Variants in C8orf34 observed in about 807,000 individuals in gnomAD.
C8orf34 encodes the protein uncharacterized protein C8orf34.
C8orf34 carries 65 observed loss-of-function variants against 68.3 expected under a neutral mutation model. That is an observed-to-expected ratio of 0.95 (90% CI 0.78 to 1.17). The LOEUF (loss-of-function observed/expected upper bound fraction) is 1.17. C8orf34 is among the 50% of genes most tolerant of loss of function. The pLI is 0.00. For synonymous variants in C8orf34, 244 were observed against 241.2 expected, an observed-to-expected ratio of 1.01 and a Z score of -0.11; for missense variants, 664 against 655.4, an observed-to-expected ratio of 1.01 and a Z score of -0.14.
chr8:68,674,698 G>T (rs1363093583), intron 8 of C8orf34, among the ~76,000 whole-genome samples: 4 of 152,064 alleles, frequency 2.6e-5, no homozygotes, highest in Non-Finnish European at 4.4e-5. Flanking sequence ...AACTTAAAGA[G>T]GAGGTAGAGA....
intron 5 of C8orf34, among the ~76,000 whole-genome samples, chr8:68,496,943 G>A (rs1430880006): frequency 6.6e-6 from 1 of 152,106 alleles, no homozygotes; most frequent in Non-Finnish European, 1.5e-5. Flanking sequence ...TGCTATGTTG[G>A]TCGTATGTTT....
intron 10 of C8orf34, among the ~76,000 whole-genome samples, chr8:68,728,383 GTCT>G (rs762532666): frequency 3.3e-5 from 5 of 152,156 alleles, no homozygotes; most frequent in Non-Finnish European, 5.9e-5. Flanking sequence ...ACATTTTCCT[GTCT>G]TCTTCTGAGC....
At chr8:68,575,761 A>T (rs938262979) in intron 7 of C8orf34, among the ~76,000 whole-genome samples, 1 of 151,912 alleles carries the variant, frequency 6.6e-6, no homozygotes, top group African/African-American at 2.4e-5. Context: ...ACCTGCATTG[A>T]AGAGCTGTGG....
chr8:68,577,366 A>C (rs1424441730), intron 7 of C8orf34, among the ~76,000 whole-genome samples: 2 of 152,022 alleles, frequency 1.3e-5, no homozygotes, highest in African/African-American at 4.8e-5. Flanking sequence ...AGGAATTATC[A>C]TATAGGTGCT....
At chr8:68,678,745 C>G (rs1290884166) in intron 8 of C8orf34, among the ~76,000 whole-genome samples, 1 of 147,904 alleles carries the variant, frequency 6.8e-6, no homozygotes, top group Non-Finnish European at 1.5e-5. Context: ...CTAGCTAGAG[C>G]AATCAGATAA....
At chr8:68,704,157 T>A (rs1234704458) in intron 8 of C8orf34, among the ~76,000 whole-genome samples, 1 of 152,126 alleles carries the variant, frequency 6.6e-6, no homozygotes, top group Non-Finnish European at 1.5e-5. Flanking sequence ...ACTTGCAGTG[T>A]TTTGGCAAAC....
rs529279893 is a variant in C8orf34 at position 68,465,242 on chromosome 8, T to C, written c.608-3450T>C. ...CCATCAGAGAAATGCAAATCAAAACTACAATGAGATACCATCTCACACCAG... is the reference window on the plus strand; with the variant it reads ...CCATCAGAGAAATGCAAATCAAAACCACAATGAGATACCATCTCACACCAG... On this transcript the variant is annotated intron_variant, in intron 3 of 13. Transcript: ENST00000518698. Among the ~76,000 whole-genome samples, 606 of 151,572 alleles carry C rather than the reference T, an allele frequency of 4.0e-3. 5 individuals carry two copies. The highest frequency in any genetic ancestry group is 0.014 in the African/African-American group (582 of 41,222).
At chr8:68,346,817 G>A (rs1467837743) in intron 1 of C8orf34, among the ~76,000 whole-genome samples, 1 of 151,846 alleles carries the variant, frequency 6.6e-6, no homozygotes, top group African/African-American at 2.4e-5. Context: ...TCATTGTTTG[G>A]ATATACCATA....
chr8:68,578,114 G>A (rs998870092), intron 7 of C8orf34, among the ~76,000 whole-genome samples: 26 of 151,906 alleles, frequency 1.7e-4, no homozygotes, highest in African/African-American at 4.6e-4. Context: ...GGAACGAAGC[G>A]AGAGAAGGAA....
chr8:68,725,421 A>G (rs1021520666), intron 10 of C8orf34, among the ~76,000 whole-genome samples: 1 of 152,210 alleles, frequency 6.6e-6, no homozygotes, highest in African/African-American at 2.4e-5. Flanking sequence ...TCTGTAAAAA[A>G]GGTTTCCTAA....
At chr8:68,508,859 TG>T (rs1814136872) in intron 5 of C8orf34, among the ~76,000 whole-genome samples, 1 of 152,052 alleles carries the variant, frequency 6.6e-6, no homozygotes, top group African/African-American at 2.4e-5. Flanking sequence ...AGGGTTTTAT[TG>T]GGTGAAAAAG....
intron 7 of C8orf34, among the ~76,000 whole-genome samples, chr8:68,624,922 T>G (rs531955408): frequency 0.036 from 5,384 of 151,604 alleles, 263 homozygotes; most frequent in African/African-American, 0.11. Context: ...TTTTTTTTTT[T>G]TGTGTAGCTG....
At chr8:68,610,860 G>GTAACT (rs1491239070) in intron 7 of C8orf34, among the ~76,000 whole-genome samples, 2 of 141,494 alleles carry the variant, frequency 1.4e-5, no homozygotes, top group Non-Finnish European at 3.0e-5. Context: ...GTGAATCTTT[G>GTAACT]GTTTTTTTTT....
At chr8:68,594,029 G>C (rs908533735) in intron 7 of C8orf34, among the ~76,000 whole-genome samples, 6 of 152,046 alleles carry the variant, frequency 3.9e-5, no homozygotes, top group African/African-American at 1.4e-4. Flanking sequence ...TGTACAGACA[G>C]AAGTTTTTTT....
chr8:68,489,963 A>G (rs555181623), intron 5 of C8orf34, among the ~76,000 whole-genome samples: 2 of 152,284 alleles, frequency 1.3e-5, no homozygotes, highest in East Asian at 3.9e-4. Flanking sequence ...AATTAGTTTC[A>G]TTGTCATCTG....
At chr8:68,551,499 A>G (rs745348172) in intron 7 of C8orf34, among the ~76,000 whole-genome samples, 7 of 151,998 alleles carry the variant, frequency 4.6e-5, no homozygotes, top group African/African-American at 9.7e-5. Flanking sequence ...CATCCACACT[A>G]TATCTGAATC....
intron 5 of C8orf34, among the ~76,000 whole-genome samples, chr8:68,515,808 G>A (rs1006705896): frequency 3.3e-5 from 5 of 152,184 alleles, no homozygotes; most frequent in African/African-American, 1.2e-4. Flanking sequence ...CTTTTCAACA[G>A]CTGATGTGAT....
intron 7 of C8orf34, among the ~76,000 whole-genome samples, chr8:68,607,463 T>G (rs1413697387): frequency 3.9e-5 from 6 of 152,120 alleles, no homozygotes; most frequent in Non-Finnish European, 8.8e-5. Flanking sequence ...TGTCCACATT[T>G]CTTCTTCTAA....
At chr8:68,718,517 A>G (rs1821541535) in intron 9 of C8orf34, among the ~76,000 whole-genome samples, 2 of 152,216 alleles carry the variant, frequency 1.3e-5, no homozygotes, top group African/African-American at 4.8e-5. Flanking sequence ...AAATTCCAGA[A>G]TATGAGTTTC....
Sources: allele counts gnomAD v4.1 joint callset (sites outside exome capture counted in the v4.1 genomes callset), GRCh38; gene constraint gnomAD v4.1.1; transcripts MANE v1.5; gene names NCBI Gene and HGNC (gene_info 2026-07-23, HGNC 2026-07-21).